The following PDE1A variants were observed in gnomAD, a reference collection of about 807,000 sequenced individuals.
The protein encoded by PDE1A is dual specificity calcium/calmodulin-dependent 3',5'-cyclic nucleotide phosphodiesterase 1A.
PDE1A carries 35 observed loss-of-function variants against 61.7 expected under a neutral mutation model. The ratio of observed to expected loss-of-function variants is 0.57; its 90% CI spans 0.43 to 0.75. The LOEUF is 0.75. Among genes scored for constraint, PDE1A ranks in the 30% least tolerant of loss-of-function variants. The probability of loss-of-function intolerance (pLI) is 0.00; values close to 1 mark genes in which losing one functional copy is unlikely to be tolerated. For synonymous variants in PDE1A, 232 were observed against 213.2 expected, an observed-to-expected ratio of 1.09 and a Z score of -0.77; for missense variants, 597 against 630.6, an observed-to-expected ratio of 0.95 and a Z score of 0.57.
At chr2:182,283,393 G>C (rs575789391) in intron 1 of PDE1A, among the ~76,000 whole-genome samples, 2 of 150,528 alleles carry the variant, frequency 1.3e-5, no homozygotes, top group African/African-American at 2.4e-5. Flanking sequence ...TGGTATAAAG[G>C]GTACCTGAGT....
intron 6 of PDE1A, among the ~76,000 whole-genome samples, chr2:182,227,136 A>G (rs1451169653): frequency 6.6e-6 from 1 of 152,052 alleles, no homozygotes; most frequent in Non-Finnish European, 1.5e-5. Context: ...ACGGATCACA[A>G]TAGCATTCAT....
chr2:182,495,308 C>T (rs1051706670), intron 2 of PDE1A, among the ~76,000 whole-genome samples: 2 of 152,120 alleles, frequency 1.3e-5, no homozygotes, highest in African/African-American at 2.4e-5. Context: ...GTATCTCATT[C>T]GATACAGACC....
At chr2:182,534,014 G>A in the PDE1A span, among the ~76,000 whole-genome samples, 2 of 151,774 alleles carry the variant, frequency 1.3e-5, no homozygotes, top group Non-Finnish European at 2.9e-5. Flanking sequence ...ACATATTATT[G>A]TAGAGAATTT....
intron 13 of PDE1A, among the ~76,000 whole-genome samples, chr2:182,157,664 TTC>T (rs1691168916): frequency 6.6e-6 from 1 of 152,152 alleles, no homozygotes. Flanking sequence ...CTAAATAATA[TTC>T]ACCATGTAAG....
intron 2 of PDE1A, among the ~76,000 whole-genome samples, chr2:182,515,039 A>C (rs947485939): frequency 2.6e-5 from 4 of 152,128 alleles, no homozygotes; most frequent in African/African-American, 9.7e-5. Context: ...TCCTAAACCT[A>C]TCTCTCTCTT....
the PDE1A span, among the ~76,000 whole-genome samples, chr2:182,627,717 C>A: frequency 6.6e-6 from 1 of 151,340 alleles, no homozygotes; most frequent in African/African-American, 2.4e-5. Flanking sequence ...CTAAGGCGGG[C>A]GGATCATCTG....
chr2:182,352,211 G>A (rs562199045), intron 1 of PDE1A, among the ~76,000 whole-genome samples: 134 of 152,362 alleles, frequency 8.8e-4, no homozygotes, highest in Non-Finnish European at 1.6e-3. Flanking sequence ...TGTTCACGGT[G>A]TAAAATGGGT....
At chr2:182,240,260 T>C (rs781623349) in exon 3 of PDE1A, 2 of 1,607,230 alleles carry the variant, frequency 1.2e-6, no homozygotes, top group South Asian at 1.1e-5. Context: ...AGTCTGAATG[T>C]CACTGAGCTC....
intron 8 of PDE1A, among the ~76,000 whole-genome samples, chr2:182,202,139 A>G (rs1010999529): frequency 6.6e-6 from 1 of 152,164 alleles, no homozygotes; most frequent in Non-Finnish European, 1.5e-5. Flanking sequence ...AAACTATTCC[A>G]AATACAGTAT....
intron 2 of PDE1A, among the ~76,000 whole-genome samples, chr2:182,460,719 T>C (rs760967156): frequency 1.3e-5 from 2 of 152,194 alleles, no homozygotes; most frequent in Non-Finnish European, 2.9e-5. Flanking sequence ...TGTTCAACTG[T>C]ATTTGAACAA....
At chr2:182,261,217 G>A (rs2125776351) in intron 2 of PDE1A, among the ~76,000 whole-genome samples, 1 of 152,256 alleles carries the variant, frequency 6.6e-6, no homozygotes, top group South Asian at 2.1e-4. Context: ...CAGGTATAGA[G>A]GAAGGAGTAC....
intron 1 of PDE1A, 46 bp from the exon 2 acceptor site, chr2:182,264,460 T>C (rs758720458): frequency 7.4e-7 from 1 of 1,347,038 alleles, no homozygotes; most frequent in Non-Finnish European, 1.1e-6. Context: ...AGGAATTTAT[T>C]GTAACTATAT....
At chr2:182,706,033 T>C in the PDE1A span, among the ~76,000 whole-genome samples, 1 of 152,162 alleles carries the variant, frequency 6.6e-6, no homozygotes. Flanking sequence ...TTAGAGAAAT[T>C]AAAACCTTTA....
chr2:182,528,027 G>C (rs921908155), upstream of PDE1A, among the ~76,000 whole-genome samples: 2 of 152,032 alleles, frequency 1.3e-5, no homozygotes, highest in African/African-American at 4.8e-5. Flanking sequence ...CATGAAAATG[G>C]ACTAATACAG....
the PDE1A span, among the ~76,000 whole-genome samples, chr2:182,642,100 G>C: frequency 6.6e-6 from 1 of 152,176 alleles, no homozygotes; most frequent in Non-Finnish European, 1.5e-5. Flanking sequence ...AAACACTTCA[G>C]CAGGGGCTAC....
chr2:182,627,675 G>A, the PDE1A span, among the ~76,000 whole-genome samples: 4 of 151,676 alleles, frequency 2.6e-5, no homozygotes, highest in Non-Finnish European at 5.9e-5. Flanking sequence ...GGGTGCAGTG[G>A]CTCATGCCTG....
the PDE1A span, among the ~76,000 whole-genome samples, chr2:182,542,758 T>C: frequency 7.5e-3 from 1,136 of 152,306 alleles, 4 homozygotes; most frequent in Non-Finnish European, 0.012. Context: ...AACTGGCGTA[T>C]TAAAGCCAAT....
upstream of PDE1A, among the ~76,000 whole-genome samples, chr2:182,527,033 G>A (rs1283625695): frequency 6.7e-6 from 1 of 150,312 alleles, no homozygotes; most frequent in African/African-American, 2.4e-5. Context: ...GTCAAAACAT[G>A]ACCAATAAAA....
At chr2:182,560,908 G>T in the PDE1A span, among the ~76,000 whole-genome samples, 2 of 151,808 alleles carry the variant, frequency 1.3e-5, no homozygotes, top group African/African-American at 4.8e-5. Flanking sequence ...TGATGGGGTT[G>T]TTTTTTCTTG....
Sources: allele counts gnomAD v4.1 joint callset (sites outside exome capture counted in the v4.1 genomes callset), GRCh38; gene constraint gnomAD v4.1.1; transcripts MANE v1.5; gene names NCBI Gene and HGNC (gene_info 2026-07-23, HGNC 2026-07-21).